The following PTPRD variants were observed in gnomAD, a reference collection of about 807,000 sequenced individuals.
PTPRD encodes the protein protein tyrosine phosphatase receptor type D.
A neutral mutation model predicts 214.5 loss-of-function variants in PTPRD; 34 were observed. The ratio of observed to expected loss-of-function variants is 0.16; its 90% CI spans 0.12 to 0.21. PTPRD has a LOEUF of 0.21. Among genes scored for constraint, PTPRD ranks in the 10% least tolerant of loss-of-function variants. The pLI is 1.00. For missense variants in PTPRD, 2,545 were observed against 2,398.7 expected (o/e 1.06, Z -1.27); for synonymous variants, 1,128 against 845.7 (o/e 1.33, Z -5.79).
At chr9:8,820,450 G>C (rs919996725) in intron 11 of PTPRD, among the ~76,000 whole-genome samples, 4 of 151,966 alleles carry the variant, frequency 2.6e-5, no homozygotes, top group African/African-American at 9.7e-5. Context: ...TTTTAATAAA[G>C]CCTGATCATA....
At chr9:8,931,945 T>C (rs1417325223) in intron 11 of PTPRD, among the ~76,000 whole-genome samples, 6 of 152,220 alleles carry the variant, frequency 3.9e-5, no homozygotes, top group Non-Finnish European at 4.4e-5. Context: ...CTCATTTATT[T>C]GCATAGAGGT....
rs1016205919 is a variant in PTPRD at position 9,856,436 on chromosome 9, G to A, written c.-368+82071C>T. 9.2e-5 allele frequency among the ~76,000 whole-genome samples: 14 copies of A among 152,022 alleles called. 1 individual carries two copies. Among genetic ancestry groups the A allele is most frequent in the African/African-American group, 3.1e-4 (13 of 41,398 alleles). On this transcript the variant is annotated intron_variant, in intron 5 of 45. Coordinates refer to ENST00000381196, the MANE Select transcript of PTPRD (RefSeq NM_002839.4). ...TCTGCCTAGAATTTCTCTTCCTCCTGTCTCTATCAAAAGTACAGTAACAAA... is the reference window on the plus strand; with the variant it reads ...TCTGCCTAGAATTTCTCTTCCTCCTATCTCTATCAAAAGTACAGTAACAAA...
intron 8 of PTPRD, among the ~76,000 whole-genome samples, chr9:9,428,299 T>C (rs1569568240): frequency 6.6e-6 from 1 of 151,132 alleles, no homozygotes; most frequent in Non-Finnish European, 1.5e-5. Flanking sequence ...CCAACAAAGA[T>C]CAGAAGAGAC....
chr9:8,591,367 G>C (rs2094094373), intron 14 of PTPRD, among the ~76,000 whole-genome samples: 1 of 152,156 alleles, frequency 6.6e-6, no homozygotes, highest in African/African-American at 2.4e-5. Flanking sequence ...TCCTGCCTGT[G>C]AATGGTGAAA....
At chr9:10,207,137 T>A (rs2099487021) in intron 3 of PTPRD, among the ~76,000 whole-genome samples, 1 of 152,098 alleles carries the variant, frequency 6.6e-6, no homozygotes. Context: ...TCCCAAACAG[T>A]TCTTTTATGC....
At chr9:10,406,125 A>C (rs1253951276) in intron 2 of PTPRD, among the ~76,000 whole-genome samples, 1 of 151,402 alleles carries the variant, frequency 6.6e-6, no homozygotes, top group Non-Finnish European at 1.5e-5. Flanking sequence ...AATATTGAAT[A>C]AAATATTTTC....
chr9:8,658,691 T>C (rs372921958), intron 12 of PTPRD, among the ~76,000 whole-genome samples: 4 of 143,346 alleles, frequency 2.8e-5, no homozygotes, highest in South Asian at 2.2e-4. Flanking sequence ...AAAAAAAAGG[T>C]GAAGACAAGT....
intron 3 of PTPRD, among the ~76,000 whole-genome samples, chr9:10,193,509 C>T (rs547958435): frequency 6.6e-5 from 10 of 152,000 alleles, no homozygotes; most frequent in African/African-American, 1.9e-4. Flanking sequence ...AATGTAAAAG[C>T]GGGGGTGGGA....
intron 2 of PTPRD, among the ~76,000 whole-genome samples, chr9:10,568,834 G>C (rs1268551129): frequency 2.0e-5 from 3 of 152,038 alleles, no homozygotes; most frequent in African/African-American, 7.2e-5. Context: ...AGAAAACCTA[G>C]GCAATACCAT....
chr9:10,257,740 C>T (rs1180133831), intron 3 of PTPRD, among the ~76,000 whole-genome samples: 1 of 152,164 alleles, frequency 6.6e-6, no homozygotes, highest in Admixed American at 6.5e-5. Flanking sequence ...GGGCATAGAC[C>T]AACGTAGGCC....
Position 8,929,750 on chromosome 9 carries a change from T to C in PTPRD, c.-104+88947A>G, listed in dbSNP as rs1159251894. On this transcript the variant is annotated intron_variant, in intron 11 of 45. Coordinates refer to ENST00000381196, the MANE Select transcript of PTPRD (RefSeq NM_002839.4). ...ATATATGTGTATATATATGTGTATA[T>C]ATATATGTATATATATGTGTATATA... 2.6e-4 allele frequency among the ~76,000 whole-genome samples: 22 copies of C among 84,594 alleles called. 5 individuals carry two copies. Among genetic ancestry groups the C allele is most frequent in the Non-Finnish European group, 4.3e-4 (18 of 41,880 alleles). The allele number at this position is 84,594 out of a possible 152,430, so 55.5% of individuals were successfully genotyped here.
At chr9:10,388,864 C>T (rs73644444) in intron 2 of PTPRD, among the ~76,000 whole-genome samples, 4,528 of 151,856 alleles carry the variant, frequency 0.03, 237 homozygotes, top group African/African-American at 0.1. Context: ...ATTTAGTAAG[C>T]ATTCAATAAA....
intron 14 of PTPRD, among the ~76,000 whole-genome samples, chr9:8,581,199 A>G (rs1025927380): frequency 6.6e-6 from 1 of 152,182 alleles, no homozygotes; most frequent in Non-Finnish European, 1.5e-5. Context: ...ATATTATAAA[A>G]AAAAAATCAA....
intron 7 of PTPRD, among the ~76,000 whole-genome samples, chr9:9,701,759 G>T (rs1247957833): frequency 6.6e-6 from 1 of 151,556 alleles, no homozygotes; most frequent in Admixed American, 6.6e-5. Flanking sequence ...TACAATTTGG[G>T]AGTCTACACG....
chr9:9,898,082 CAT>C (rs1361518786), intron 5 of PTPRD, among the ~76,000 whole-genome samples: 2 of 152,078 alleles, frequency 1.3e-5, no homozygotes, highest in Non-Finnish European at 2.9e-5. Flanking sequence ...TCTTCAACAA[CAT>C]AGAGAAACTA....
At chr9:9,981,530 TG>T (rs2095543699) in intron 4 of PTPRD, among the ~76,000 whole-genome samples, 1 of 58,108 alleles carries the variant, frequency 1.7e-5, no homozygotes, top group African/African-American at 5.2e-5. Flanking sequence ...AATTTTTTTT[TG>T]TATTTTTTTT....
At chr9:8,783,628 T>A (rs1721819550) in intron 11 of PTPRD, among the ~76,000 whole-genome samples, 3 of 152,174 alleles carry the variant, frequency 2.0e-5, no homozygotes, top group African/African-American at 7.2e-5. Flanking sequence ...ACACACTACC[T>A]CATACCTCAA....
At chr9:9,748,982 C>G (rs2098485934) in intron 6 of PTPRD, among the ~76,000 whole-genome samples, 1 of 152,114 alleles carries the variant, frequency 6.6e-6, no homozygotes, top group Non-Finnish European at 1.5e-5. Context: ...TGTGGCAAAA[C>G]CCAATAGGCT....
intron 2 of PTPRD, among the ~76,000 whole-genome samples, chr9:10,543,638 A>G (rs929366468): frequency 2.0e-5 from 3 of 152,236 alleles, no homozygotes; most frequent in Admixed American, 6.5e-5. Flanking sequence ...GTGCTTAAGC[A>G]CAAGATGGGC....
Sources: allele counts gnomAD v4.1 joint callset (sites outside exome capture counted in the v4.1 genomes callset), GRCh38; gene constraint gnomAD v4.1.1; transcripts MANE v1.5; gene names NCBI Gene and HGNC (gene_info 2026-07-23, HGNC 2026-07-21).